The following FANCI variants were observed in gnomAD, a reference collection of about 807,000 sequenced individuals.
FANCI encodes the protein FA complementation group I.
Under a neutral mutation model 176.1 loss-of-function variants are expected in FANCI, and 156 were observed. That is an observed-to-expected ratio of 0.89 (90% CI 0.78 to 1.01). The LOEUF is 1.01. Among genes scored for constraint, FANCI ranks in the 50% least tolerant of loss-of-function variants. The pLI, the probability that FANCI is intolerant of heterozygous loss-of-function variation, is 0.00. For synonymous variants in FANCI, 613 were observed against 541.7 expected (o/e 1.13, Z -1.83); for missense variants, 1,678 against 1,534.1 (o/e 1.09, Z -1.57).
chr15:89,284,605 T>A (rs2053745204), intron 17 of FANCI, among the ~76,000 whole-genome samples: 1 of 152,210 alleles, frequency 6.6e-6, no homozygotes, highest in Non-Finnish European at 1.5e-5. Flanking sequence ...GAGTAAGGAT[T>A]AGGAATTCTT....
At chr15:89,259,777 G>A (rs2052639149) in intron 3 of FANCI, among the ~76,000 whole-genome samples, 1 of 152,066 alleles carries the variant, frequency 6.6e-6, no homozygotes, top group South Asian at 2.1e-4. Flanking sequence ...GACTTCTTTC[G>A]TTTATAATGT....
chr15:89,286,354 T>C (rs2053817164), intron 18 of FANCI, among the ~76,000 whole-genome samples: 1 of 152,214 alleles, frequency 6.6e-6, no homozygotes, highest in Non-Finnish European at 1.5e-5. Context: ...AACAGTTTAC[T>C]GAACGTCTGA....
At chr15:89,270,998 G>A (rs551796770) in intron 10 of FANCI, among the ~76,000 whole-genome samples, 76 of 152,190 alleles carry the variant, frequency 5.0e-4, no homozygotes, top group African/African-American at 1.5e-3. Context: ...ATTTAGGTTC[G>A]TAGTAACTAT....
Position 89,305,427 on chromosome 15 carries a change from G to T in FANCI, c.3255+18G>T. On this transcript the variant is annotated intron_variant, in intron 30 of 37. Transcript: ENST00000310775. Reference sequence around the variant, plus strand: ...CTGTCTGTGTAAGTGTTGTACCTGAGCCATGGGGAATAGCTTTGTCATTCT... The same window carrying T: ...CTGTCTGTGTAAGTGTTGTACCTGATCCATGGGGAATAGCTTTGTCATTCT... 7.4e-6 allele frequency: 12 copies of T among 1,613,244 alleles called. No homozygotes were observed. The highest frequency in any genetic ancestry group is 9.3e-6 in the Non-Finnish European group (11 of 1,179,882).
chr15:89,300,211 T>G, intron 25 of FANCI, 89 bp from the exon 26 acceptor site: 1 of 1,314,882 alleles, frequency 7.6e-7, no homozygotes, highest in Non-Finnish European at 1.1e-6. Context: ...CTTTAGACTT[T>G]TTTTTGGCTT....
chr15:89,299,807 C>T lies in FANCI; in HGVS notation c.2644C>T (p.Leu882=), dbSNP rs2054461003. The T allele has an allele frequency of 3.1e-6, 5 of 1,613,076 alleles. No individual in the cohort carries two copies. Among genetic ancestry groups the T allele is most frequent in the Non-Finnish European group, 4.2e-6 (5 of 1,179,690 alleles). The change falls in exon 25 of 38, where the codon CTA becomes TTA. Residue 882 remains leucine, a synonymous_variant. Coordinates refer to ENST00000310775, the MANE Select transcript of FANCI (RefSeq NM_001113378.2). ...CACTTTCTCCTGCTTCAGAGTCTTG[C>T]TATGGAGATACACTTCAATTCCTAC... ...QNLCDITRVL[L]WRYTSIPTSV...
At position 89,264,028 on chromosome 15, in the gene FANCI, T is replaced by C; in HGVS notation, c.669+2T>C. The C allele has an allele frequency of 6.2e-7, 1 of 1,614,026 alleles. No homozygotes were observed. Among genetic ancestry groups the C allele is most frequent in the Non-Finnish European group, 8.5e-7 (1 of 1,179,942 alleles). On this transcript the variant is annotated splice_donor_variant, in intron 8 of 37. Coordinates refer to ENST00000310775, the MANE Select transcript of FANCI (RefSeq NM_001113378.2). LOFTEE classifies it high-confidence loss of function. ...CAGCTTCTGGTTCTCTCCTCCAAGG[T>C]ACAAATGGAAAATTGTTTCTCCTTA...
rs561392274 is a variant in FANCI at position 89,265,801 on chromosome 15, C to T, written c.755+1194C>T. On this transcript the variant is annotated intron_variant, in intron 9 of 37. Coordinates refer to ENST00000310775, the MANE Select transcript of FANCI (RefSeq NM_001113378.2). The stretch of plus-strand genomic sequence containing the variant: ...CCTCCCAAAGTGCTGGGATCACAGG[C>T]GTGAGCCACCGTGCCTGGCCGGATT... 7.9e-5 allele frequency among the ~76,000 whole-genome samples: 12 copies of T among 152,218 alleles called. 1 individual carries two copies. The South Asian group carries it at 1.9e-3, about 24-fold the overall frequency.
chr15:89,282,687 TGCGCCTCA>T (rs759369163), intron 16 of FANCI: 1 of 235,336 alleles, frequency 4.2e-6, no homozygotes, highest in Non-Finnish European at 8.5e-6. Context: ...AATTAATCAT[TGCGCCTCA>T]GTGAGAAGAC....
intron 35 of FANCI, 94 bp downstream of exon 35, chr15:89,313,066 A>G: frequency 8.4e-7 from 1 of 1,186,950 alleles, no homozygotes; most frequent in Non-Finnish European, 1.3e-6. Context: ...CACGTGTTGT[A>G]TGATTCCATT....
chr15:89,309,974 C>T (rs1338756944), intron 34 of FANCI, among the ~76,000 whole-genome samples: 2 of 152,148 alleles, frequency 1.3e-5, no homozygotes, highest in African/African-American at 4.8e-5. Flanking sequence ...ATGTGTTAAG[C>T]TCTTTTCATA....
chr15:89,263,351 C>G, intron 6 of FANCI, 68 bp from the exon 7 acceptor site: 2 of 1,366,992 alleles, frequency 1.5e-6, no homozygotes, highest in Non-Finnish European at 1.0e-6. Context: ...TTTTTGTCCT[C>G]ATTAATTTTA....
At chr15:89,315,517 T>A (rs929969106) in intron 37 of FANCI, 128 bp downstream of exon 37, 14 of 724,140 alleles carry the variant, frequency 1.9e-5, no homozygotes, top group Non-Finnish European at 2.8e-5. Context: ...CAGGCAAAGA[T>A]GAGAGCAAAG....
chr15:89,307,869 C>A (rs1596328703), intron 34 of FANCI, 197 bp downstream of exon 34: 1 of 1,453,314 alleles, frequency 6.9e-7, no homozygotes, highest in Non-Finnish European at 9.0e-7. Flanking sequence ...AAAACTGTTT[C>A]ACTTAATTTG....
At chr15:89,267,898 G>A (rs926505546) in intron 9 of FANCI, among the ~76,000 whole-genome samples, 2 of 152,144 alleles carry the variant, frequency 1.3e-5, no homozygotes, top group African/African-American at 4.8e-5. Flanking sequence ...TTGCACACCA[G>A]CCTGAGTGAC....
At chr15:89,270,358 T>C (rs2053154012) in intron 10 of FANCI, among the ~76,000 whole-genome samples, 1 of 152,200 alleles carries the variant, frequency 6.6e-6, no homozygotes, top group Non-Finnish European at 1.5e-5. Flanking sequence ...ATGTATCCCT[T>C]TGTATTAGAA....
intron 12 of FANCI, among the ~76,000 whole-genome samples, chr15:89,276,263 T>C (rs1023219225): frequency 1.3e-5 from 2 of 152,214 alleles, no homozygotes; most frequent in African/African-American, 4.8e-5. Context: ...ACTGAGTGTC[T>C]TTTATATGCC....
downstream of FANCI, chr15:89,317,206 A>AT (rs2055300491): frequency 4.6e-6 from 3 of 654,808 alleles, no homozygotes; most frequent in Non-Finnish European, 8.2e-6. Flanking sequence ...CTGAAACATC[A>AT]TATCACATTC....
intron 9 of FANCI, among the ~76,000 whole-genome samples, chr15:89,267,896 C>A (rs1044407954): frequency 2.0e-5 from 3 of 152,106 alleles, no homozygotes; most frequent in African/African-American, 7.2e-5. Flanking sequence ...CATTGCACAC[C>A]AGCCTGAGTG....
Sources: allele counts gnomAD v4.1 joint callset (sites outside exome capture counted in the v4.1 genomes callset), GRCh38; gene constraint gnomAD v4.1.1; transcripts MANE v1.5; gene names NCBI Gene and HGNC (gene_info 2026-07-23, HGNC 2026-07-21).